The following ERP44 variants were observed in gnomAD, a reference collection of about 807,000 sequenced individuals.
ERP44 encodes endoplasmic reticulum resident protein 44.
A neutral mutation model predicts 53.4 loss-of-function variants in ERP44; 25 were observed. The observed-to-expected ratio is 0.47, with a 90% CI of 0.34 to 0.65. ERP44 has a LOEUF of 0.65. ERP44 is among the 30% of genes least tolerant of loss of function. ERP44 has a pLI of 0.01. For synonymous variants in ERP44, 145 were observed against 161.2 expected (o/e 0.90, Z 0.76); for missense variants, 338 against 493.2 (o/e 0.69, Z 2.98).
chr9:100,078,666 A>G (rs1826386375), intron 1 of ERP44, among the ~76,000 whole-genome samples: 1 of 151,834 alleles, frequency 6.6e-6, no homozygotes, highest in Admixed American at 6.6e-5. Context: ...GAGGCAGGAG[A>G]ATCCTTTGAA....
chr9:100,021,258 A>G (rs1303102048), intron 5 of ERP44, among the ~76,000 whole-genome samples: 4 of 152,178 alleles, frequency 2.6e-5, no homozygotes, highest in Admixed American at 2.0e-4. Flanking sequence ...CTTGCTCTGA[A>G]ATAGTGAGTT....
intron 4 of ERP44, among the ~76,000 whole-genome samples, chr9:100,030,342 AAGGAAAC>A (rs1178520748): frequency 1.3e-5 from 2 of 152,112 alleles, no homozygotes; most frequent in Admixed American, 1.3e-4. Context: ...CCCAACCCAA[AAGGAAAC>A]AGACTGCAGC....
chr9:100,022,049 G>C lies in ERP44; in HGVS notation c.464C>G (p.Thr155Ser), dbSNP rs1415656174. ...GCAAAAGTTACAACTTACATCAAGA[G>C]TGGTGATTTCTGCTAAGTCCCGAAT... is the stretch of plus-strand genomic sequence containing the variant. ...QEIRDLAEIT[T>S]LDRSKRNIIG... The change falls in exon 5 of 12, where the codon ACT (threonine) becomes AGT (serine). Residue 155 changes from threonine to serine, a missense_variant. This residue lies in a region of ERP44 where 224 missense variants were observed against 301.4 expected (regional missense o/e 0.74). Coordinates refer to ENST00000262455, the MANE Select transcript of ERP44 (RefSeq NM_015051.3). 1.2e-6 allele frequency: 2 copies of C among 1,612,148 alleles called. No homozygotes were observed. Among genetic ancestry groups the C allele is most frequent in the Non-Finnish European group, 1.7e-6 (2 of 1,179,200 alleles).
intron 3 of ERP44, among the ~76,000 whole-genome samples, chr9:100,056,138 T>C (rs939136640): frequency 6.6e-6 from 1 of 152,260 alleles, no homozygotes; most frequent in Non-Finnish European, 1.5e-5. Flanking sequence ...AAAGTCGTTC[T>C]AGTTTTTCTT....
At chr9:100,052,618 T>G in intron 3 of ERP44, 86 bp from the exon 4 acceptor site, 1 of 639,022 alleles carries the variant, frequency 1.6e-6, no homozygotes. Flanking sequence ...ACATTTGATA[T>G]AGGCATAATA....
chr9:100,048,521 T>TA (rs987615328), intron 4 of ERP44, among the ~76,000 whole-genome samples: 12 of 151,316 alleles, frequency 7.9e-5, no homozygotes, highest in African/African-American at 1.2e-4. Context: ...GGATATATAT[T>TA]AAAAAAAAAC....
chr9:100,055,618 G>T (rs527538745), intron 3 of ERP44, among the ~76,000 whole-genome samples: 1 of 152,184 alleles, frequency 6.6e-6, no homozygotes, highest in African/African-American at 2.4e-5. Flanking sequence ...TGACCTGCCC[G>T]CCTCGGCCTT....
At chr9:100,071,404 G>A (rs1378017220) in intron 1 of ERP44, among the ~76,000 whole-genome samples, 2 of 152,124 alleles carry the variant, frequency 1.3e-5, no homozygotes, top group African/African-American at 4.8e-5. Context: ...CTGTTTTTGG[G>A]TGAGTAAATG....
At chr9:100,030,072 G>A (rs1469499192) in intron 4 of ERP44, among the ~76,000 whole-genome samples, 1 of 152,154 alleles carries the variant, frequency 6.6e-6, no homozygotes, top group African/African-American at 2.4e-5. Flanking sequence ...TGGCAACAGA[G>A]CGAGACTCAG....
rs541992233 is a variant in ERP44 at position 100,074,397 on chromosome 9, A to C, written c.58-14225T>G. ...TGTAGAGCTCTAGCATTGGCTAATT[A>C]ATCACGGTGTTCCTAGGAGTGAAAT... On this transcript the variant is annotated intron_variant, in intron 1 of 11. Transcript: ENST00000262455. Among the ~76,000 whole-genome samples the C allele has an allele frequency of 2.0e-4, 30 of 152,330 alleles. No homozygotes were observed. In the South Asian group the frequency reaches 6.0e-3, roughly 31 times the overall value.
chr9:100,052,153 C>A (rs1324673722), intron 4 of ERP44, among the ~76,000 whole-genome samples: 1 of 151,926 alleles, frequency 6.6e-6, no homozygotes, highest in African/African-American at 2.4e-5. Context: ...CTACGCTTGA[C>A]CTACTGTAAT....
rs1417185386 is a variant in ERP44, at chr9:100,018,424, C to T, written c.588-111G>A. Reference sequence around the variant, plus strand: ...TCATCTTCCCTATTACAAGACTATGCAATACCAAGAAAAGTATACATTTAA... The same window carrying T: ...TCATCTTCCCTATTACAAGACTATGTAATACCAAGAAAAGTATACATTTAA... On this transcript the variant is annotated intron_variant, in intron 6 of 11. Transcript: ENST00000262455. 7.1e-6 allele frequency: 5 copies of T among 701,468 alleles called. No homozygotes were observed. In the African/African-American group the frequency reaches 8.9e-5, roughly 12 times the overall value. 43.5% of individuals were successfully genotyped at this position (701,468 alleles called of 1,614,324 possible). A position where few individuals can be genotyped will look rare whatever the true frequency, so the allele number is the denominator to read the frequency against.
At chr9:100,026,730 A>C (rs2118663734) in intron 4 of ERP44, among the ~76,000 whole-genome samples, 1 of 152,376 alleles carries the variant, frequency 6.6e-6, no homozygotes, top group Non-Finnish European at 1.5e-5. Flanking sequence ...ATGTTAATAA[A>C]GGTAAACTAG....
In ERP44 at chr9:100,058,597, T is replaced by C. The variant is rs13283434; in HGVS notation, c.131-738A>G. 9.5e-3 allele frequency among the ~76,000 whole-genome samples: 1,452 copies of C among 152,316 alleles called. 14 individuals carry two copies. Among genetic ancestry groups the C allele is most frequent in the African/African-American group, 0.012 (479 of 41,574 alleles). On this transcript the variant is annotated intron_variant, in intron 2 of 11. Coordinates refer to ENST00000262455, the MANE Select transcript of ERP44 (RefSeq NM_015051.3). ...TTTAAACCTCACATATACCACCTAG[T>C]TGCAACAAGTAATCTACAACTAATA...
At chr9:100,064,044 C>G (rs1454124430) in intron 1 of ERP44, among the ~76,000 whole-genome samples, 1 of 152,166 alleles carries the variant, frequency 6.6e-6, no homozygotes, top group Non-Finnish European at 1.5e-5. Flanking sequence ...TGTTTTCTTC[C>G]ATTAGATGGT....
chr9:100,011,660 A>C (rs1340064451), intron 8 of ERP44, among the ~76,000 whole-genome samples: 1 of 152,184 alleles, frequency 6.6e-6, no homozygotes, highest in African/African-American at 2.4e-5. Context: ...CATCTCAAAA[A>C]ACTACATATA....
At chr9:100,088,713 C>G (rs1826515589) in intron 1 of ERP44, among the ~76,000 whole-genome samples, 1 of 152,082 alleles carries the variant, frequency 6.6e-6, no homozygotes. Flanking sequence ...AGTATTATTC[C>G]TCAGAAGTTA....
At chr9:100,031,324 T>C (rs551076241) in intron 4 of ERP44, among the ~76,000 whole-genome samples, 2 of 152,330 alleles carry the variant, frequency 1.3e-5, no homozygotes, top group Non-Finnish European at 2.9e-5. Flanking sequence ...CATGTCATAG[T>C]TTGCTCAAAA....
chr9:100,005,223 T>A (rs1196912797), intron 10 of ERP44, among the ~76,000 whole-genome samples: 1 of 152,210 alleles, frequency 6.6e-6, no homozygotes, highest in Non-Finnish European at 1.5e-5. Context: ...CAAAACTTTA[T>A]ACCTACCTTC....
Sources: allele counts gnomAD v4.1 joint callset (sites outside exome capture counted in the v4.1 genomes callset), GRCh38; gene constraint gnomAD v4.1.1; regional missense constraint gnomAD v4.1.1; transcripts MANE v1.5; gene names NCBI Gene and HGNC (gene_info 2026-07-23, HGNC 2026-07-21).